SV2C: variants seen among roughly 807,000 people sequenced by gnomAD.
The protein encoded by SV2C is solute carrier family 22 member B3.
A neutral mutation model predicts 79.7 loss-of-function variants in SV2C; 49 were observed. That is an observed-to-expected ratio of 0.61 (90% CI 0.49 to 0.78). The LOEUF is 0.78. Among genes scored for constraint, SV2C ranks in the 30% least tolerant of loss-of-function variants. The pLI, the probability that SV2C is intolerant of heterozygous loss-of-function variation, is 0.00. For synonymous variants in SV2C, 334 were observed against 333.2 expected, an observed-to-expected ratio of 1.00 and a Z score of -0.03; for missense variants, 833 against 912.9, an observed-to-expected ratio of 0.91 and a Z score of 1.13.
At chr5:76,062,918 C>T in the SV2C span, among the ~76,000 whole-genome samples, 7 of 152,108 alleles carry the variant, frequency 4.6e-5, no homozygotes, top group African/African-American at 1.4e-4. Flanking sequence ...TTTCTGACCA[C>T]GAAGCAGGCA....
intron 4 of SV2C, among the ~76,000 whole-genome samples, chr5:76,211,780 CTTG>C (rs1744775674): frequency 6.6e-6 from 1 of 152,118 alleles, no homozygotes; most frequent in Non-Finnish European, 1.5e-5. Flanking sequence ...ATGTCTTTAA[CTTG>C]TTTTTTTAAC....
the SV2C span, among the ~76,000 whole-genome samples, chr5:75,983,743 G>T: frequency 1.3e-5 from 2 of 152,092 alleles, no homozygotes; most frequent in African/African-American, 4.8e-5. Flanking sequence ...TTGTATCTGC[G>T]CCCTGTGCCC....
At chr5:75,903,986 G>T in the SV2C span, among the ~76,000 whole-genome samples, 4 of 152,324 alleles carry the variant, frequency 2.6e-5, no homozygotes, top group East Asian at 7.7e-4. Flanking sequence ...TGAATTAACA[G>T]TGTTGTGAAA....
the SV2C span, chr5:75,911,379 G>A: frequency 1.7e-6 from 2 of 1,196,034 alleles, no homozygotes. Flanking sequence ...AACAACCAAA[G>A]AAGAGAACCT....
At chr5:76,213,231 A>G (rs1580357953) in intron 4 of SV2C, among the ~76,000 whole-genome samples, 2 of 152,246 alleles carry the variant, frequency 1.3e-5, no homozygotes, top group African/African-American at 4.8e-5. Context: ...TTAAAAATGA[A>G]AAGCTTTAAA....
At chr5:76,249,749 T>A (rs1382901364) in intron 4 of SV2C, among the ~76,000 whole-genome samples, 1 of 152,212 alleles carries the variant, frequency 6.6e-6, no homozygotes, top group African/African-American at 2.4e-5. Context: ...ATGAAAATGA[T>A]GGCAGGTAGG....
the SV2C span, among the ~76,000 whole-genome samples, chr5:75,968,433 A>T: frequency 6.6e-6 from 1 of 152,194 alleles, no homozygotes; most frequent in African/African-American, 2.4e-5. Flanking sequence ...TTTGAAAAAA[A>T]ATTAGATGAA....
the SV2C span, among the ~76,000 whole-genome samples, chr5:75,917,909 A>G: frequency 1.3e-5 from 2 of 152,210 alleles, no homozygotes; most frequent in African/African-American, 4.8e-5. Flanking sequence ...GCATGCCTAT[A>G]TAAAAGACTC....
At chr5:76,132,680 T>C (rs1162331805) in intron 2 of SV2C, among the ~76,000 whole-genome samples, 1 of 152,324 alleles carries the variant, frequency 6.6e-6, no homozygotes, top group East Asian at 1.9e-4. Flanking sequence ...AGCTACTCTC[T>C]TGGAAGTTAA....
chr5:76,174,614 G>A (rs373182918), intron 2 of SV2C, among the ~76,000 whole-genome samples: 1 of 152,166 alleles, frequency 6.6e-6, no homozygotes, highest in East Asian at 1.9e-4. Flanking sequence ...TAGTGAATAC[G>A]TCAAATTTTT....
At chr5:75,976,884 G>A in the SV2C span, among the ~76,000 whole-genome samples, 11 of 152,114 alleles carry the variant, frequency 7.2e-5, no homozygotes, top group Admixed American at 2.6e-4. Flanking sequence ...CCAACATAGC[G>A]GTACATCCCC....
At chr5:76,070,388 G>A in the SV2C span, among the ~76,000 whole-genome samples, 5 of 152,114 alleles carry the variant, frequency 3.3e-5, no homozygotes, top group African/African-American at 1.2e-4. Flanking sequence ...GGTTTCTACT[G>A]TCCCCAAGGT....
chr5:75,964,227 G>A, the SV2C span, among the ~76,000 whole-genome samples: 3 of 152,020 alleles, frequency 2.0e-5, no homozygotes, highest in Non-Finnish European at 4.4e-5. Flanking sequence ...GGACTGACTG[G>A]GAGCTCTGTT....
the SV2C span, among the ~76,000 whole-genome samples, chr5:76,006,440 A>G: frequency 1.3e-5 from 2 of 152,180 alleles, no homozygotes; most frequent in African/African-American, 4.8e-5. Context: ...GGCAGTTCAT[A>G]AGTCATTTTG....
At chr5:76,148,514 G>C (rs7732994) in intron 2 of SV2C, among the ~76,000 whole-genome samples, 9 of 151,888 alleles carry the variant, frequency 5.9e-5, no homozygotes, top group Non-Finnish European at 1.2e-4. Context: ...CAGTGATGCA[G>C]TCGCTGCTCA....
intron 2 of SV2C, among the ~76,000 whole-genome samples, chr5:76,152,580 T>G (rs184064960): frequency 6.6e-6 from 1 of 152,336 alleles, no homozygotes. Context: ...TTTGCTGAAA[T>G]GTTAACATGT....
chr5:76,247,041 T>C (rs1187478634), intron 4 of SV2C, among the ~76,000 whole-genome samples: 1 of 152,166 alleles, frequency 6.6e-6, no homozygotes, highest in Non-Finnish European at 1.5e-5. Context: ...TGCTGAGAGA[T>C]GTATTGATGA....
At chr5:76,240,519 G>A (rs1448186942) in intron 4 of SV2C, among the ~76,000 whole-genome samples, 1 of 152,188 alleles carries the variant, frequency 6.6e-6, no homozygotes, top group East Asian at 1.9e-4. Flanking sequence ...ACAACAGAAG[G>A]CAGTGGATAA....
chr5:75,984,594 T>TCTATCTATCTAC, the SV2C span, among the ~76,000 whole-genome samples: 1 of 81,802 alleles, frequency 1.2e-5, no homozygotes, highest in African/African-American at 3.2e-5. Flanking sequence ...TATCTATCTA[T>TCTATCTATCTAC]CTACCTATCT....
Sources: allele counts gnomAD v4.1 joint callset (sites outside exome capture counted in the v4.1 genomes callset), GRCh38; gene constraint gnomAD v4.1.1; transcripts MANE v1.5; gene names NCBI Gene and HGNC (gene_info 2026-07-23, HGNC 2026-07-21).